The following HIVEP3 variants were observed in gnomAD, a reference collection of about 807,000 sequenced individuals.
The protein encoded by HIVEP3 is transcription factor HIVEP3.
A neutral mutation model predicts 152.8 loss-of-function variants in HIVEP3; 49 were observed. That is an observed-to-expected ratio of 0.32 (90% CI 0.26 to 0.41). The LOEUF (loss-of-function observed/expected upper bound fraction) is 0.41, where lower values mean the gene tolerates loss of function less well. Among genes scored for constraint, HIVEP3 ranks in the 10% least tolerant of loss-of-function variants. The pLI is 1.00. For missense variants in HIVEP3, 2,790 were observed against 3,103.3 expected, an observed-to-expected ratio of 0.90 and a Z score of 2.40; for synonymous variants, 1,269 against 1,289.0, an observed-to-expected ratio of 0.98 and a Z score of 0.33.
chr1:41,561,057 G>A (rs1047101204), intron 5 of HIVEP3, among the ~76,000 whole-genome samples: 3 of 152,166 alleles, frequency 2.0e-5, no homozygotes, highest in Non-Finnish European at 4.4e-5. Context: ...CTTTTCGGTA[G>A]ACTCTCTCTG....
intron 1 of HIVEP3, among the ~76,000 whole-genome samples, chr1:41,734,194 T>C (rs1646882244): frequency 6.6e-6 from 1 of 152,210 alleles, no homozygotes; most frequent in South Asian, 2.1e-4. Context: ...TCTGCTGCAC[T>C]GAGTGGATGG....
chr1:41,665,866 C>T (rs1645788506), intron 2 of HIVEP3, among the ~76,000 whole-genome samples: 1 of 152,096 alleles, frequency 6.6e-6, no homozygotes, highest in Non-Finnish European at 1.5e-5. Flanking sequence ...AATTTTGTTT[C>T]CAGCTTATAA....
chr1:41,744,750 C>T lies in HIVEP3; in HGVS notation c.-800-43755G>A, dbSNP rs75274298. Among the ~76,000 whole-genome samples, 1,126 of 152,194 alleles carry T rather than the reference C, an allele frequency of 7.4e-3. 8 individuals are homozygous for T. The highest frequency in any genetic ancestry group is 0.024 in the African/African-American group (986 of 41,548). On this transcript the variant is annotated intron_variant, in intron 1 of 8. Transcript: ENST00000372583. ...TTCTCATGGAACTTACATTCCAACA[C>T]ATACATATCTAACATATTACATTCC... is the stretch of plus-strand genomic sequence containing the variant.
chr1:41,726,580 G>C (rs994454685), intron 1 of HIVEP3, among the ~76,000 whole-genome samples: 3 of 152,196 alleles, frequency 2.0e-5, no homozygotes, highest in Admixed American at 6.5e-5. Flanking sequence ...GATTTGAACT[G>C]GGGGAGTTGT....
At chr1:41,689,666 A>G (rs1269901808) in intron 2 of HIVEP3, among the ~76,000 whole-genome samples, 1 of 152,178 alleles carries the variant, frequency 6.6e-6, no homozygotes, top group East Asian at 1.9e-4. Flanking sequence ...TGGGCATCTG[A>G]GTAGAAGCTG....
intron 1 of HIVEP3, among the ~76,000 whole-genome samples, chr1:41,708,787 A>G (rs1390894173): frequency 1.3e-5 from 2 of 152,252 alleles, no homozygotes; most frequent in Non-Finnish European, 2.9e-5. Context: ...CTCTGGCACC[A>G]AAACTGCAAA....
chr1:41,879,149 G>A (rs973337727), intron 1 of HIVEP3, among the ~76,000 whole-genome samples: 4 of 152,150 alleles, frequency 2.6e-5, no homozygotes, highest in African/African-American at 7.2e-5. Flanking sequence ...GCACCCTAGC[G>A]GAAAGAACAC....
rs117938851 is a variant in HIVEP3, at chr1:41,673,727, T to A, written c.-721+27189A>T. 5.4e-4 allele frequency among the ~76,000 whole-genome samples: 82 copies of A among 152,214 alleles called. 1 individual carries two copies. The East Asian group carries it at 0.015, about 28-fold the overall frequency. ...CTCCCTAAGTATGAATAAATCAAGT[T>A]TGGTTGTGAGTCTAAATTGCACATG... On this transcript the variant is annotated intron_variant, in intron 2 of 8. Coordinates refer to ENST00000372583, the MANE Select transcript of HIVEP3 (RefSeq NM_024503.5).
chr1:41,534,453 C>T (rs1643347690), intron 5 of HIVEP3, among the ~76,000 whole-genome samples: 1 of 152,128 alleles, frequency 6.6e-6, no homozygotes, highest in Non-Finnish European at 1.5e-5. Flanking sequence ...CTCCACTCTA[C>T]CAGAAATTTG....
rs189359682 is a variant in HIVEP3, at chr1:41,607,987, C to T, written c.-522+20762G>A. 1.5e-3 allele frequency among the ~76,000 whole-genome samples: 234 copies of T among 152,322 alleles called. 1 individual carries two copies. The highest frequency in any genetic ancestry group is 5.4e-3 in the African/African-American group (224 of 41,568). Reference sequence around the variant, plus strand: ...GTTGCACTTGTCATTTCAGCTCACACGAGCCCATGGCCACTCCTAGCTGCT... The same window carrying T: ...GTTGCACTTGTCATTTCAGCTCACATGAGCCCATGGCCACTCCTAGCTGCT... On this transcript the variant is annotated intron_variant, in intron 3 of 8. Transcript: ENST00000372583.
intron 2 of HIVEP3, among the ~76,000 whole-genome samples, chr1:41,637,060 A>G (rs372676427): frequency 1.3e-5 from 2 of 152,220 alleles, no homozygotes; most frequent in Non-Finnish European, 2.9e-5. Flanking sequence ...AGTCGTCATC[A>G]AATACTTCTC....
intron 1 of HIVEP3, among the ~76,000 whole-genome samples, chr1:41,758,779 T>C (rs1647479553): frequency 6.6e-6 from 1 of 152,210 alleles, no homozygotes; most frequent in Admixed American, 6.5e-5. Context: ...CTAGCAGTGA[T>C]TGATTTGTAA....
At chr1:41,940,713 G>T (rs1032126337) in intron 1 of HIVEP3, among the ~76,000 whole-genome samples, 2 of 152,142 alleles carry the variant, frequency 1.3e-5, no homozygotes, top group Admixed American at 1.3e-4. Context: ...GCTATAAAAT[G>T]AATGTTGCCT....
At chr1:41,799,092 A>T (rs1345402625) in intron 1 of HIVEP3, among the ~76,000 whole-genome samples, 1 of 152,238 alleles carries the variant, frequency 6.6e-6, no homozygotes, top group Non-Finnish European at 1.5e-5. Flanking sequence ...CCAAGAGGGA[A>T]ATACAACACA....
intron 1 of HIVEP3, among the ~76,000 whole-genome samples, chr1:41,957,404 A>G (rs1312267171): frequency 1.3e-5 from 2 of 152,242 alleles, no homozygotes; most frequent in African/African-American, 4.8e-5. Context: ...ATAGAAAACT[A>G]TTGAGCACAG....
chr1:41,508,684 C>G lies in HIVEP3; in HGVS notation c.*1767G>C, dbSNP rs542926639. The G allele has an allele frequency of 6.6e-6, 1 of 152,348 alleles. No individual in the cohort carries two copies. Among genetic ancestry groups the G allele is most frequent in the African/African-American group, 2.4e-5 (1 of 41,454 alleles). The allele number at this position is 152,348 out of a possible 1,614,324, so 9.4% of individuals were successfully genotyped here. On this transcript the variant is annotated 3_prime_UTR_variant, in exon 9 of 9. Transcript: ENST00000372583. ...GGCCACGAATTGGAAGAGGCAAGTA[C>G]AGCCCCGCACAGGGAACTCACAGAA... is the stretch of plus-strand genomic sequence containing the variant.
At chr1:41,779,083 G>A (rs1287106978) in intron 1 of HIVEP3, among the ~76,000 whole-genome samples, 1 of 152,202 alleles carries the variant, frequency 6.6e-6, no homozygotes, top group Non-Finnish European at 1.5e-5. Flanking sequence ...TTTGGGCCTG[G>A]GCCTCAGCTT....
intron 1 of HIVEP3, among the ~76,000 whole-genome samples, chr1:41,773,749 TGCTGAGTTGA>T (rs1397961322): frequency 6.6e-6 from 1 of 152,266 alleles, no homozygotes; most frequent in African/African-American, 2.4e-5. Context: ...TGCCTGGTGA[TGCTGAGTTGA>T]GCTAGGCTTA....
In HIVEP3 at chr1:41,583,482, G is replaced by T. The variant is rs1210395162; in HGVS notation, c.1316C>A (p.Pro439His). 5.0e-6 allele frequency: 8 copies of T among 1,613,770 alleles called. No homozygotes were observed. Among genetic ancestry groups the T allele is most frequent in the Non-Finnish European group, 6.8e-6 (8 of 1,179,896 alleles). The change falls in exon 4 of 9, where the codon CCC becomes CAC. Residue 439 changes from proline (P) to histidine (H), a missense_variant. Coordinates refer to ENST00000372583, the MANE Select transcript of HIVEP3 (RefSeq NM_024503.5). This position sits in a 1 kb window ranked among gnomAD's most constrained non-coding sequence, Gnocchi z 6.9. ...GTCTTCGGTGGACAGGGGCAGGAGG[G>T]GCTGGGTGGAGGTGGCTGTCAGCAT... ...TAMLTATSTQ[P>H]LLPLSTEDKP... is the part of the protein sequence containing the mutation.
Sources: gnomAD v4.1 joint callset for allele counts (sites outside exome capture counted in the v4.1 genomes callset) on GRCh38, gnomAD v4.1.1 for gene constraint, Gnocchi (gnomAD v3.1) non-coding constraint, MANE v1.5 for transcripts, NCBI Gene and HGNC (gene_info 2026-07-23, HGNC 2026-07-21) for gene names.